RPH3A: variants seen among roughly 807,000 people sequenced by gnomAD.
The protein encoded by RPH3A is rabphilin 3A, also known as rabphilin-3A.
In RPH3A, 48 loss-of-function variants were observed where a neutral mutation model predicts 102.2. That is an observed-to-expected ratio of 0.47 (90% CI 0.37 to 0.60). The LOEUF (loss-of-function observed/expected upper bound fraction) is 0.60. Ranked by LOEUF, RPH3A falls within the 20% of genes least tolerant of loss-of-function variation. RPH3A has a pLI of 0.00. For missense variants in RPH3A, 781 were observed against 910.1 expected (o/e 0.86, Z 1.83); for synonymous variants, 310 against 324.3 (o/e 0.96, Z 0.47).
At chr12:112,684,997 G>A (rs2040253110) in intron 1 of RPH3A, among the ~76,000 whole-genome samples, 1 of 152,196 alleles carries the variant, frequency 6.6e-6, no homozygotes, top group African/African-American at 2.4e-5. Context: ...CTAGGCTGTA[G>A]TGAAGTGGCA....
chr12:112,594,858 A>T (rs1236744467), intron 1 of RPH3A, among the ~76,000 whole-genome samples: 1 of 152,256 alleles, frequency 6.6e-6, no homozygotes, highest in Non-Finnish European at 1.5e-5. Context: ...ATGTTCATTG[A>T]GCACTCGCTA....
At chr12:112,634,874 A>G (rs1380625154) in intron 1 of RPH3A, among the ~76,000 whole-genome samples, 1 of 152,082 alleles carries the variant, frequency 6.6e-6, no homozygotes, top group Non-Finnish European at 1.5e-5. Flanking sequence ...AGCATCTTAG[A>G]CTCAGAGCCT....
At chr12:112,862,668 C>T (rs1029566091) in intron 5 of RPH3A, among the ~76,000 whole-genome samples, 2 of 151,928 alleles carry the variant, frequency 1.3e-5, no homozygotes, top group African/African-American at 4.8e-5. Context: ...GGTGCCTCCT[C>T]AAGCGGTTCT....
intron 1 of RPH3A, among the ~76,000 whole-genome samples, chr12:112,598,076 A>T (rs1048739032): frequency 6.6e-6 from 1 of 152,196 alleles, no homozygotes; most frequent in Non-Finnish European, 1.5e-5. Context: ...TAATTCCATG[A>T]AGCACTAGTA....
chr12:112,887,364 G>A (rs879427734), intron 16 of RPH3A, among the ~76,000 whole-genome samples: 4 of 152,208 alleles, frequency 2.6e-5, no homozygotes, highest in Non-Finnish European at 5.9e-5. Context: ...TCTTGAGCAA[G>A]AGAAGCCAAC....
chr12:112,680,380 T>C (rs2040218188), intron 1 of RPH3A, among the ~76,000 whole-genome samples: 1 of 152,220 alleles, frequency 6.6e-6, no homozygotes, highest in African/African-American at 2.4e-5. Flanking sequence ...TTTATTCATT[T>C]GCTCTGTGGA....
At chr12:112,592,944 G>T (rs947890340) in intron 1 of RPH3A, among the ~76,000 whole-genome samples, 3 of 152,204 alleles carry the variant, frequency 2.0e-5, no homozygotes, top group Non-Finnish European at 4.4e-5. Flanking sequence ...GAGTCTGAAG[G>T]CCTCATGGTG....
chr12:112,624,417 A>C (rs1366765404), intron 1 of RPH3A, among the ~76,000 whole-genome samples: 2 of 148,248 alleles, frequency 1.3e-5, no homozygotes, highest in South Asian at 4.4e-4. Context: ...ATCAGAGAAT[A>C]CTACAAACAC....
At chr12:112,696,921 T>A (rs1388272410) in intron 1 of RPH3A, among the ~76,000 whole-genome samples, 1 of 152,122 alleles carries the variant, frequency 6.6e-6, no homozygotes, top group Admixed American at 6.5e-5. Context: ...CTTTCTTTTT[T>A]TTTTACAGTA....
At chr12:112,822,615 A>C (rs2041801159) in intron 2 of RPH3A, among the ~76,000 whole-genome samples, 1 of 152,180 alleles carries the variant, frequency 6.6e-6, no homozygotes, top group African/African-American at 2.4e-5. Context: ...TCTTTGTAGC[A>C]GTCTGAGATT....
At chr12:112,667,343 A>G (rs2040090910) in intron 1 of RPH3A, among the ~76,000 whole-genome samples, 1 of 152,142 alleles carries the variant, frequency 6.6e-6, no homozygotes, top group Non-Finnish European at 1.5e-5. Context: ...AGGAAGCTCA[A>G]ATAATATGTC....
At chr12:112,795,932 A>G (rs1328429547) in intron 2 of RPH3A, among the ~76,000 whole-genome samples, 1 of 152,196 alleles carries the variant, frequency 6.6e-6, no homozygotes, top group African/African-American at 2.4e-5. Flanking sequence ...GACCAAAACA[A>G]AAGTAGGGTG....
chr12:112,895,756 G>A (rs1263813186), intron 20 of RPH3A, 21 bp from the exon 21 acceptor site: 3 of 1,578,124 alleles, frequency 1.9e-6, no homozygotes, highest in East Asian at 4.5e-5. Context: ...TTACCCACAT[G>A]TCTTCCTCTG....
At chr12:112,728,366 AT>A (rs920086375) in intron 1 of RPH3A, among the ~76,000 whole-genome samples, 1 of 150,860 alleles carries the variant, frequency 6.6e-6, no homozygotes, top group South Asian at 2.1e-4. Flanking sequence ...TTAAGCTTCT[AT>A]TTTTTTTTCC....
chr12:112,661,012 G>T (rs1020339833), intron 1 of RPH3A, among the ~76,000 whole-genome samples: 7 of 152,094 alleles, frequency 4.6e-5, no homozygotes, highest in Non-Finnish European at 7.4e-5. Context: ...TCCATCACGG[G>T]CTCACTTCTG....
At chr12:112,814,205 T>A (rs1237101886) in intron 2 of RPH3A, among the ~76,000 whole-genome samples, 1 of 152,058 alleles carries the variant, frequency 6.6e-6, no homozygotes, top group Non-Finnish European at 1.5e-5. Flanking sequence ...TAGGCCAGGA[T>A]ACTTCAGCTT....
intron 1 of RPH3A, among the ~76,000 whole-genome samples, chr12:112,711,896 G>A (rs1260665451): frequency 6.6e-6 from 1 of 152,082 alleles, no homozygotes; most frequent in Non-Finnish European, 1.5e-5. Flanking sequence ...GCAATGGTGC[G>A]ATCTCAGCTC....
intron 1 of RPH3A, among the ~76,000 whole-genome samples, chr12:112,626,520 C>T (rs1235726158): frequency 2.2e-5 from 3 of 133,762 alleles, no homozygotes; most frequent in African/African-American, 5.7e-5. Context: ...TATCATCTCA[C>T]ACCAGTTAGA....
At chr12:112,616,388 C>A (rs1171651839) in intron 1 of RPH3A, among the ~76,000 whole-genome samples, 1 of 152,150 alleles carries the variant, frequency 6.6e-6, no homozygotes, top group African/African-American at 2.4e-5. Context: ...CTCAAGTGAT[C>A]CTCCTGCCTC....
Sources: gnomAD v4.1 joint callset for allele counts (sites outside exome capture counted in the v4.1 genomes callset) on GRCh38, gnomAD v4.1.1 for gene constraint, MANE v1.5 for transcripts, NCBI Gene and HGNC (gene_info 2026-07-23, HGNC 2026-07-21) for gene names.